The following PHF24 variants were observed in gnomAD, a reference collection of about 807,000 sequenced individuals.
PHF24 encodes the protein Galpha inhibitory interacting protein.
Under a neutral mutation model 42.6 loss-of-function variants are expected in PHF24, and 25 were observed. The ratio of observed to expected loss-of-function variants is 0.59; its 90% CI spans 0.43 to 0.82. The LOEUF is 0.82. Among genes scored for constraint, PHF24 ranks in the 40% least tolerant of loss-of-function variants. PHF24 has a pLI of 0.00. For missense variants in PHF24, 470 were observed against 538.1 expected (o/e 0.87, Z 1.25); for synonymous variants, 185 against 204.8 (o/e 0.90, Z 0.83).
chr9:34,927,455 A>G, the PHF24 span, among the ~76,000 whole-genome samples: 9 of 152,022 alleles, frequency 5.9e-5, no homozygotes, highest in Non-Finnish European at 1.2e-4. Flanking sequence ...GGGAATGGGG[A>G]GTGCACACCT....
the PHF24 span, chr9:34,690,164 G>A: frequency 6.2e-7 from 1 of 1,610,152 alleles, no homozygotes; most frequent in Non-Finnish European, 8.5e-7. Flanking sequence ...AGTCTCAACA[G>A]GGGCTAAAAC....
chr9:34,874,825 G>T, the PHF24 span, among the ~76,000 whole-genome samples: 1 of 151,942 alleles, frequency 6.6e-6, no homozygotes, highest in Admixed American at 6.6e-5. Flanking sequence ...TAAAATTTTT[G>T]TGGGTACATA....
chr9:34,824,964 G>A, the PHF24 span, among the ~76,000 whole-genome samples: 2 of 152,180 alleles, frequency 1.3e-5, no homozygotes, highest in African/African-American at 2.4e-5. Flanking sequence ...ATGGTTTAGA[G>A]GTTTCTTTGG....
the PHF24 span, among the ~76,000 whole-genome samples, chr9:34,921,966 A>G: frequency 2.6e-5 from 4 of 152,206 alleles, no homozygotes; most frequent in Non-Finnish European, 5.9e-5. Context: ...ACATCCCCAT[A>G]TTGGCCACCT....
chr9:34,816,911 A>G, the PHF24 span, among the ~76,000 whole-genome samples: 1 of 152,178 alleles, frequency 6.6e-6, no homozygotes, highest in Admixed American at 6.5e-5. Context: ...TTAACCTCAT[A>G]CCTCACATGT....
chr9:34,718,938 A>T, the PHF24 span, among the ~76,000 whole-genome samples: 2 of 152,250 alleles, frequency 1.3e-5, no homozygotes, highest in African/African-American at 4.8e-5. Context: ...TCACCATGAC[A>T]TGATGTTACC....
At chr9:34,736,787 G>C in the PHF24 span, among the ~76,000 whole-genome samples, 2 of 152,174 alleles carry the variant, frequency 1.3e-5, no homozygotes, top group African/African-American at 4.8e-5. Flanking sequence ...GACTAACAAA[G>C]ATAAGAATTA....
At chr9:34,723,487 T>C in the PHF24 span, 12 of 1,551,702 alleles carry the variant, frequency 7.7e-6, no homozygotes, top group Admixed American at 7.8e-5. Context: ...CCAGGCTCTT[T>C]GCAACATTTT....
chr9:34,833,761 C>T, the PHF24 span: 5 of 1,548,430 alleles, frequency 3.2e-6, no homozygotes, highest in Non-Finnish European at 4.4e-6. Flanking sequence ...CTGTACAACT[C>T]TCATTGTTGC....
At chr9:34,670,790 T>C in the PHF24 span, among the ~76,000 whole-genome samples, 3 of 152,134 alleles carry the variant, frequency 2.0e-5, no homozygotes, top group Non-Finnish European at 4.4e-5. Flanking sequence ...AGCTCTTCTC[T>C]GTAGTACTAA....
the PHF24 span, among the ~76,000 whole-genome samples, chr9:34,913,805 C>T: frequency 1.3e-5 from 2 of 152,198 alleles, no homozygotes; most frequent in African/African-American, 2.4e-5. Context: ...CACTACGGTA[C>T]ACTCACTCTT....
the PHF24 span, among the ~76,000 whole-genome samples, chr9:34,729,759 C>T: frequency 6.6e-6 from 1 of 152,326 alleles, no homozygotes; most frequent in South Asian, 2.1e-4. Flanking sequence ...GTCACCTGTC[C>T]TCAGAAAACT....
chr9:34,938,059 A>G, the PHF24 span, among the ~76,000 whole-genome samples: 1 of 152,366 alleles, frequency 6.6e-6, no homozygotes, highest in East Asian at 1.9e-4. Context: ...CCCGGGCCAC[A>G]AAGTGGAGAC....
At chr9:34,692,173 A>G in the PHF24 span, among the ~76,000 whole-genome samples, 2 of 151,766 alleles carry the variant, frequency 1.3e-5, no homozygotes, top group African/African-American at 4.8e-5. Flanking sequence ...CAAACCCTAG[A>G]CCCTCTTTTG....
the PHF24 span, among the ~76,000 whole-genome samples, chr9:34,697,050 T>C: frequency 4.6e-5 from 7 of 152,252 alleles, no homozygotes; most frequent in African/African-American, 1.2e-4. Flanking sequence ...TTTATTGATA[T>C]AGGTGTTCTC....
chr9:34,832,409 C>A, the PHF24 span: 3 of 1,207,738 alleles, frequency 2.5e-6, no homozygotes, highest in Non-Finnish European at 3.6e-6. Flanking sequence ...GTAACCGAAG[C>A]TTATTGTCTA....
the PHF24 span, among the ~76,000 whole-genome samples, chr9:34,808,016 C>T: frequency 6.6e-6 from 1 of 152,172 alleles, no homozygotes; most frequent in Non-Finnish European, 1.5e-5. Context: ...AAATTGTTTA[C>T]ACACTTAAGA....
the PHF24 span, among the ~76,000 whole-genome samples, chr9:34,804,432 T>C: frequency 0.016 from 2,453 of 152,330 alleles, 60 homozygotes; most frequent in East Asian, 0.099. Context: ...CGAGTAATGT[T>C]TGTGAAATTA....
intron 1 of PHF24, among the ~76,000 whole-genome samples, chr9:34,961,294 C>A (rs1826580791): frequency 6.6e-6 from 1 of 152,170 alleles, no homozygotes; most frequent in Admixed American, 6.5e-5. Context: ...TTATCCACTC[C>A]ACCCCTCAAT....
Sources: gnomAD v4.1 joint callset for allele counts (sites outside exome capture counted in the v4.1 genomes callset) on GRCh38, gnomAD v4.1.1 for gene constraint, MANE v1.5 for transcripts, NCBI Gene and HGNC (gene_info 2026-07-23, HGNC 2026-07-21) for gene names.